Variants in LAMA2 observed in about 807,000 individuals in gnomAD.
The protein encoded by LAMA2 is laminin subunit alpha-2.
A neutral mutation model predicts 364.8 loss-of-function variants in LAMA2; 269 were observed. The ratio of observed to expected loss-of-function variants is 0.74; its 90% CI spans 0.67 to 0.82. LAMA2 has a LOEUF of 0.82. LAMA2 is among the 40% of genes least tolerant of loss of function. LAMA2 has a pLI of 0.00. For missense variants in LAMA2, 3,807 were observed against 3,873.2 expected (o/e 0.98, Z 0.45); for synonymous variants, 1,379 against 1,370.6 (o/e 1.01, Z -0.14).
chr6:128,978,012 A>G (rs1782639226), intron 1 of LAMA2, among the ~76,000 whole-genome samples: 2 of 152,236 alleles, frequency 1.3e-5, no homozygotes, highest in African/African-American at 4.8e-5. Context: ...TTAAAATGAT[A>G]TCATTAAAAA....
chr6:129,321,373 G>A (rs185031380), intron 28 of LAMA2, among the ~76,000 whole-genome samples: 3 of 152,212 alleles, frequency 2.0e-5, no homozygotes, highest in Admixed American at 2.0e-4. Context: ...CCCTGCACTG[G>A]GTGCTACACC....
At chr6:129,028,586 T>C (rs1226106297) in intron 1 of LAMA2, among the ~76,000 whole-genome samples, 3 of 151,848 alleles carry the variant, frequency 2.0e-5, no homozygotes, top group Non-Finnish European at 4.4e-5. Flanking sequence ...CAAGCAAATA[T>C]ATAGAATTCT....
intron 15 of LAMA2, among the ~76,000 whole-genome samples, chr6:129,265,199 G>A (rs1787422033): frequency 6.6e-6 from 1 of 152,094 alleles, no homozygotes; most frequent in South Asian, 2.1e-4. Context: ...TGTTTGGAAT[G>A]GGAATATGGC....
chr6:128,902,108 C>T (rs1777122580), intron 1 of LAMA2, among the ~76,000 whole-genome samples: 1 of 152,172 alleles, frequency 6.6e-6, no homozygotes, highest in Non-Finnish European at 1.5e-5. Context: ...ACCATCAGAC[C>T]TCATGAGACT....
chr6:129,187,250 A>G (rs1237109267), intron 10 of LAMA2, among the ~76,000 whole-genome samples: 3 of 151,862 alleles, frequency 2.0e-5, no homozygotes, highest in East Asian at 3.9e-4. Flanking sequence ...CTGGGGACAC[A>G]TAGAAAGAAT....
intron 43 of LAMA2, among the ~76,000 whole-genome samples, chr6:129,441,791 C>A (rs1402459932): frequency 6.6e-6 from 1 of 152,006 alleles, no homozygotes; most frequent in Non-Finnish European, 1.5e-5. Context: ...CCAGCCTGGG[C>A]ACCATAGCAA....
chr6:128,998,094 G>T (rs1322554937), intron 1 of LAMA2, among the ~76,000 whole-genome samples: 1 of 152,092 alleles, frequency 6.6e-6, no homozygotes, highest in African/African-American at 2.4e-5. Flanking sequence ...GGGAGTGGGT[G>T]CCTGATGCGG....
chr6:129,330,598 GTT>G (rs1554273762), intron 29 of LAMA2, among the ~76,000 whole-genome samples: 12 of 88,682 alleles, frequency 1.4e-4, no homozygotes, highest in African/African-American at 4.3e-4. Context: ...TTTGGTTTTT[GTT>G]TTTTTTTTTT....
intron 4 of LAMA2, among the ~76,000 whole-genome samples, chr6:129,141,218 G>A (rs1778106261): frequency 6.6e-6 from 1 of 151,930 alleles, no homozygotes; most frequent in Non-Finnish European, 1.5e-5. Context: ...AATCTCAGAG[G>A]GAAATTAGTT....
chr6:129,280,127 C>T lies in LAMA2; in HGVS notation c.2517C>T (p.Tyr839=). Residue 839 remains tyrosine, a synonymous_variant, in exon 18 of 65, where the codon TAC becomes TAT. Coordinates refer to ENST00000421865, the MANE Select transcript of LAMA2 (RefSeq NM_000426.4). The part of the protein sequence containing the change: ...GLICDGCPVG[Y]TGPRCERCAE... ...TCTGTGATGGATGCCCTGTCGGGTACACAGGACCACGCTGTGAGAGGTAAG... is the reference window on the plus strand; with the variant it reads ...TCTGTGATGGATGCCCTGTCGGGTATACAGGACCACGCTGTGAGAGGTAAG... 2 of 1,609,660 alleles carry T rather than the reference C, an allele frequency of 1.2e-6. No individual in the cohort carries two copies. Among genetic ancestry groups the T allele is most frequent in the Admixed American group, 1.7e-5 (1 of 59,898 alleles).
intron 1 of LAMA2, among the ~76,000 whole-genome samples, chr6:129,004,285 G>A: frequency 1.7e-5 from 1 of 59,630 alleles, no homozygotes; most frequent in East Asian, 2.8e-4. Flanking sequence ...GATAGCATTG[G>A]GAGATATACC....
At chr6:129,210,024 A>AAAAAAT (rs200129656) in intron 12 of LAMA2, among the ~76,000 whole-genome samples, 3 of 145,330 alleles carry the variant, frequency 2.1e-5, no homozygotes, top group African/African-American at 7.8e-5. Context: ...AAAAAAAAAA[A>AAAAAAT]ATTTTTACTA....
intron 29 of LAMA2, among the ~76,000 whole-genome samples, chr6:129,331,690 C>T (rs572798031): frequency 1.9e-4 from 29 of 152,106 alleles, no homozygotes; most frequent in African/African-American, 6.0e-4. Context: ...AACAAACTCT[C>T]CTGACTCATT....
chr6:129,318,273 T>C (rs1161727742), intron 27 of LAMA2, among the ~76,000 whole-genome samples: 6 of 152,226 alleles, frequency 3.9e-5, no homozygotes, highest in Non-Finnish European at 7.3e-5. Flanking sequence ...GCTGGCATTA[T>C]CTTTTTTCTT....
intron 32 of LAMA2, among the ~76,000 whole-genome samples, chr6:129,363,752 C>G (rs540947050): frequency 1.3e-5 from 2 of 152,044 alleles, no homozygotes; most frequent in African/African-American, 4.8e-5. Context: ...CTAGGATTTC[C>G]GAAAGTCCTA....
intron 58 of LAMA2, among the ~76,000 whole-genome samples, chr6:129,492,901 C>T (rs1042164416): frequency 2.0e-5 from 3 of 152,168 alleles, no homozygotes; most frequent in African/African-American, 7.2e-5. Flanking sequence ...CGCCTGTAAT[C>T]CTAGCACTTT....
rs538033142 is a variant in LAMA2 at position 128,947,655 on chromosome 6, A to G, written c.112+64298A>G. 3.3e-5 allele frequency among the ~76,000 whole-genome samples: 5 copies of G among 152,296 alleles called. No homozygotes were observed. In the South Asian group the frequency reaches 6.2e-4, roughly 19 times the overall value. ...ATTTATTACTTTTATAACCTGAGAGATAAACATTATTGAAAAAGAAGAGCA... is the reference window on the plus strand; with the variant it reads ...ATTTATTACTTTTATAACCTGAGAGGTAAACATTATTGAAAAAGAAGAGCA... On this transcript the variant is annotated intron_variant, in intron 1 of 64. Coordinates refer to ENST00000421865, the MANE Select transcript of LAMA2 (RefSeq NM_000426.4).
intron 1 of LAMA2, among the ~76,000 whole-genome samples, chr6:128,892,778 G>C (rs1278279764): frequency 6.6e-6 from 1 of 151,676 alleles, no homozygotes; most frequent in Non-Finnish European, 1.5e-5. Context: ...TGGATAGGGA[G>C]GATTCTTAGT....
intron 49 of LAMA2, among the ~76,000 whole-genome samples, chr6:129,460,549 G>A (rs1783197479): frequency 6.6e-6 from 1 of 152,034 alleles, no homozygotes; most frequent in South Asian, 2.1e-4. Flanking sequence ...CATTTGCATA[G>A]TCATATGTTT....
Sources: gnomAD v4.1 joint callset for allele counts (sites outside exome capture counted in the v4.1 genomes callset) on GRCh38, gnomAD v4.1.1 for gene constraint, MANE v1.5 for transcripts, NCBI Gene and HGNC (gene_info 2026-07-23, HGNC 2026-07-21) for gene names.